The following TMEM50B variants were observed in gnomAD, a reference collection of about 807,000 sequenced individuals.
TMEM50B encodes HCV p7-trans-regulated protein 3.
A neutral mutation model predicts 23.4 loss-of-function variants in TMEM50B; 14 were observed. That is an observed-to-expected ratio of 0.60 (90% CI 0.39 to 0.93). The LOEUF is 0.93. Among genes scored for constraint, TMEM50B ranks in the 40% least tolerant of loss-of-function variants. The pLI is 0.00. For synonymous variants in TMEM50B, 64 were observed against 62.3 expected, an observed-to-expected ratio of 1.03 and a Z score of -0.13; for missense variants, 159 against 193.0, an observed-to-expected ratio of 0.82 and a Z score of 1.04.
intron 1 of TMEM50B, among the ~76,000 whole-genome samples, chr21:33,469,168 T>A (rs1457310181): frequency 6.6e-6 from 1 of 152,108 alleles, no homozygotes; most frequent in East Asian, 1.9e-4. Context: ...GTCTAGGAGC[T>A]AGGTGCCGAG....
At chr21:33,451,384 T>C (rs1037249591) in intron 6 of TMEM50B, among the ~76,000 whole-genome samples, 9 of 152,186 alleles carry the variant, frequency 5.9e-5, no homozygotes, top group Non-Finnish European at 1.2e-4. Flanking sequence ...ACTTGCTCCC[T>C]AATGGAGCTA....
At chr21:33,471,750 T>C (rs1292536893) in intron 1 of TMEM50B, among the ~76,000 whole-genome samples, 1 of 152,144 alleles carries the variant, frequency 6.6e-6, no homozygotes, top group Non-Finnish European at 1.5e-5. Flanking sequence ...ATGAAAATTC[T>C]AGGGGCTGGG....
At chr21:33,460,996 G>A (rs986555299) in intron 4 of TMEM50B, among the ~76,000 whole-genome samples, 1 of 152,148 alleles carries the variant, frequency 6.6e-6, no homozygotes, top group African/African-American at 2.4e-5. Context: ...CAGCCAATCT[G>A]TACCACATAT....
At chr21:33,463,443 T>C (rs1204641497) in intron 4 of TMEM50B, among the ~76,000 whole-genome samples, 1 of 152,146 alleles carries the variant, frequency 6.6e-6, no homozygotes, top group Non-Finnish European at 1.5e-5. Context: ...GCAACCATCA[T>C]AGAAAGTAGA....
chr21:33,451,835 G>C (rs948690886), intron 6 of TMEM50B, among the ~76,000 whole-genome samples: 10 of 98,190 alleles, frequency 1.0e-4, no homozygotes, highest in Non-Finnish European at 5.5e-5. Flanking sequence ...AGTTTCTTAA[G>C]GCCAAGAACA....
intron 7 of TMEM50B, among the ~76,000 whole-genome samples, chr21:33,441,234 A>G (rs1440459947): frequency 6.6e-6 from 1 of 152,134 alleles, no homozygotes; most frequent in Non-Finnish European, 1.5e-5. Context: ...TGTCTCAAAA[A>G]AAAAAAGGAC....
chr21:33,462,849 T>C (rs2084229050), intron 4 of TMEM50B, among the ~76,000 whole-genome samples: 1 of 152,246 alleles, frequency 6.6e-6, no homozygotes, highest in Non-Finnish European at 1.5e-5. Flanking sequence ...CAGGATATGA[T>C]GAAAAGTAAG....
chr21:33,460,332 T>C (rs755383952), intron 5 of TMEM50B, 81 bp downstream of exon 5: 8 of 828,278 alleles, frequency 9.7e-6, no homozygotes, highest in Admixed American at 2.0e-5. Context: ...TTATACTAAG[T>C]TGTACTCAAG....
At position 33,432,923 on chromosome 21, in the gene TMEM50B, T is replaced by C. The variant is rs751776635; in HGVS notation, c.*2121-121A>G. 1.6e-5 allele frequency: 24 copies of C among 1,477,146 alleles called. No individual in the cohort carries two copies. In the Admixed American group the frequency reaches 2.5e-4, roughly 16 times the overall value. The allele number at this position is 1,477,146 out of a possible 1,614,324, so 91.5% of individuals were successfully genotyped here. A position where few individuals can be genotyped will look rare whatever the true frequency, so the allele number is the denominator to read the frequency against. On this transcript the variant is annotated intron_variant and NMD_transcript_variant, in intron 8 of 8. Coordinates refer to the TMEM50B transcript ENST00000420455. Reference sequence around the variant, plus strand: ...TTTTTTGAGACAGGGTCTTGCTCTGTTGCCCAGGCGGGAGTGTCATGGTAC... The same window carrying C: ...TTTTTTGAGACAGGGTCTTGCTCTGCTGCCCAGGCGGGAGTGTCATGGTAC...
At chr21:33,441,233 A>G (rs1180738495) in intron 7 of TMEM50B, among the ~76,000 whole-genome samples, 1 of 152,152 alleles carries the variant, frequency 6.6e-6, no homozygotes, top group African/African-American at 2.4e-5. Flanking sequence ...CTGTCTCAAA[A>G]AAAAAAAGGA....
chr21:33,437,312 G>A, intron 8 of TMEM50B: 1 of 264,832 alleles, frequency 3.8e-6, no homozygotes, highest in Non-Finnish European at 7.4e-6. Context: ...AGAAGACCTG[G>A]TCGTCGTCTT....
intron 1 of TMEM50B, among the ~76,000 whole-genome samples, chr21:33,474,612 T>C (rs989239075): frequency 6.9e-6 from 1 of 145,846 alleles, no homozygotes; most frequent in African/African-American, 2.5e-5. Context: ...CTGTCTCTAC[T>C]AAAAATACAA....
chr21:33,454,596 T>C (rs976191480), intron 6 of TMEM50B, among the ~76,000 whole-genome samples: 2 of 151,582 alleles, frequency 1.3e-5, no homozygotes, highest in African/African-American at 4.8e-5. Context: ...CCACCACACC[T>C]GGCTGGCCAC....
chr21:33,456,700 T>C (rs889128017), intron 5 of TMEM50B, among the ~76,000 whole-genome samples: 2 of 152,148 alleles, frequency 1.3e-5, no homozygotes, highest in Non-Finnish European at 2.9e-5. Flanking sequence ...CTGTATGACC[T>C]TGGGCAAATT....
At chr21:33,446,240 A>AT (rs972337197), downstream of TMEM50B, among the ~76,000 whole-genome samples, 4 of 86,692 alleles carry the variant, frequency 4.6e-5, no homozygotes, top group Admixed American at 1.4e-4. Context: ...TTTATTTTTT[A>AT]TTTTTTATTT....
Position 33,455,764 on chromosome 21 carries a change from G to A in TMEM50B, c.394C>T (p.Leu132=). 6.2e-7 allele frequency: 1 copy of A among 1,613,906 alleles called. No individual in the cohort carries two copies. ...AGTGCATTTTGAAAAAACACAGCTA[G>A]TCCCGGATAAACATCAGTATCTACA... ...VTQNTDVYPG[L]AVFFQNALIF... Residue 132 remains leucine, a synonymous_variant, in exon 6 of 7, where the codon CTA becomes TTA. Coordinates refer to ENST00000542230, the MANE Select transcript of TMEM50B (RefSeq NM_006134.7).
chr21:33,440,674 G>A (rs757334877), intron 7 of TMEM50B, among the ~76,000 whole-genome samples: 9 of 150,872 alleles, frequency 6.0e-5, no homozygotes, highest in Non-Finnish European at 1.0e-4. Context: ...ATGAGGTCAG[G>A]AGTTTGAGAC....
chr21:33,460,559 C>T, intron 4 of TMEM50B, 54 bp from the exon 5 acceptor site: 1 of 1,049,912 alleles, frequency 9.5e-7, no homozygotes, highest in Admixed American at 2.3e-5. Context: ...TCTGTAACGT[C>T]TTAGGAATAC....
intron 1 of TMEM50B, chr21:33,478,944 T>TA (rs1418894975): frequency 2.4e-6 from 1 of 412,294 alleles, no homozygotes; most frequent in Non-Finnish European, 4.9e-6. Flanking sequence ...AATCGGGTCT[T>TA]ACAGCGCGAT....
Sources: gnomAD v4.1 joint callset for allele counts (sites outside exome capture counted in the v4.1 genomes callset) on GRCh38, gnomAD v4.1.1 for gene constraint, MANE v1.5 for transcripts, NCBI Gene and HGNC (gene_info 2026-07-23, HGNC 2026-07-21) for gene names.